The following DCAF1 variants were observed in gnomAD, a reference collection of about 807,000 sequenced individuals.
The protein encoded by DCAF1 is DDB1- and CUL4-associated factor 1.
A neutral mutation model predicts 128.0 loss-of-function variants in DCAF1; 15 were observed. The observed-to-expected ratio is 0.12, with a 90% confidence interval of 0.08 to 0.18. The LOEUF (loss-of-function observed/expected upper bound fraction) is 0.18. DCAF1 is among the 10% of genes least tolerant of loss of function. DCAF1 has a pLI of 1.00. For missense variants in DCAF1, 988 were observed against 1,649.5 expected (o/e 0.60, Z 6.95); for synonymous variants, 610 against 603.0 (o/e 1.01, Z -0.17).
downstream of DCAF1, chr3:51,396,216 G>A (rs1314055274): frequency 9.3e-6 from 3 of 324,270 alleles, no homozygotes; most frequent in African/African-American, 4.3e-5. Context: ...CCAAGTAAAA[G>A]GAAACATGCT....
intron 15 of DCAF1, among the ~76,000 whole-genome samples, chr3:51,419,135 G>A (rs1349006483): frequency 6.6e-6 from 1 of 151,918 alleles, no homozygotes; most frequent in African/African-American, 2.4e-5. Flanking sequence ...CCGAAGGGGG[G>A]GTATCAATTG....
chr3:51,407,775 G>T (rs1698002667), intron 23 of DCAF1, among the ~76,000 whole-genome samples: 2 of 151,908 alleles, frequency 1.3e-5, no homozygotes, highest in Non-Finnish European at 2.9e-5. Context: ...ATCACCTGAG[G>T]TCAGGAGTTC....
At chr3:51,491,947 G>A (rs1707697872) in intron 2 of DCAF1, among the ~76,000 whole-genome samples, 1 of 152,028 alleles carries the variant, frequency 6.6e-6, no homozygotes, top group Admixed American at 6.6e-5. Context: ...CACGAGGTCA[G>A]GAGATCAAGA....
At chr3:51,488,665 T>C (rs1707257521) in intron 2 of DCAF1, among the ~76,000 whole-genome samples, 1 of 152,138 alleles carries the variant, frequency 6.6e-6, no homozygotes, top group African/African-American at 2.4e-5. Flanking sequence ...TAGCCGGGCA[T>C]GGTGGCACGC....
At chr3:51,486,086 T>C (rs1055084773) in intron 2 of DCAF1, among the ~76,000 whole-genome samples, 2 of 151,964 alleles carry the variant, frequency 1.3e-5, no homozygotes, top group South Asian at 2.1e-4. Flanking sequence ...GAGACGGGCT[T>C]TCACCGTGTT....
chr3:51,477,458 C>T (rs1553651034), intron 3 of DCAF1, among the ~76,000 whole-genome samples: 4 of 147,398 alleles, frequency 2.7e-5, no homozygotes, highest in Non-Finnish European at 6.0e-5. Flanking sequence ...AATCCTGTCT[C>T]TACAAAAAAA....
At chr3:51,423,114 T>C (rs1699565946) in intron 13 of DCAF1, among the ~76,000 whole-genome samples, 1 of 151,616 alleles carries the variant, frequency 6.6e-6, no homozygotes, top group South Asian at 2.1e-4. Context: ...AAAAAGAAAG[T>C]AATCTGGAAA....
intron 10 of DCAF1, among the ~76,000 whole-genome samples, chr3:51,432,835 A>C (rs1700511895): frequency 1.3e-5 from 2 of 152,328 alleles, no homozygotes; most frequent in Admixed American, 1.3e-4. Context: ...TCTTAATGCC[A>C]CAGAAATGGC....
intron 13 of DCAF1, among the ~76,000 whole-genome samples, chr3:51,424,827 T>C (rs1245867182): frequency 6.6e-6 from 1 of 152,160 alleles, no homozygotes; most frequent in African/African-American, 2.4e-5. Context: ...ATATATATAG[T>C]ATAAAAACAT....
chr3:51,437,942 C>A, intron 9 of DCAF1: 2 of 204,098 alleles, frequency 9.8e-6, no homozygotes, highest in South Asian at 6.5e-5. Flanking sequence ...TCCTGGAAAC[C>A]CAAACAAAAG....
chr3:51,422,975 G>A (rs6772668), intron 13 of DCAF1, among the ~76,000 whole-genome samples: 113,862 of 151,926 alleles, frequency 0.75, 43,616 homozygotes, highest in Middle Eastern at 0.85. Context: ...GGCTGAGGTG[G>A]GAGGATCACC....
At chr3:51,482,764 CAAAAAAAA>C (rs797042469) in intron 3 of DCAF1, among the ~76,000 whole-genome samples, 1 of 29,992 alleles carries the variant, frequency 3.3e-5, no homozygotes. Flanking sequence ...CACTCCATCT[CAAAAAAAA>C]AAAAAAAAAA....
chr3:51,482,761 T>A (rs1553653402), intron 3 of DCAF1, among the ~76,000 whole-genome samples: 3 of 115,694 alleles, frequency 2.6e-5, no homozygotes, highest in South Asian at 2.9e-4. Context: ...CAACACTCCA[T>A]CTCAAAAAAA....
chr3:51,473,259 T>C (rs1436822636), intron 3 of DCAF1, among the ~76,000 whole-genome samples: 2 of 143,888 alleles, frequency 1.4e-5, no homozygotes, highest in African/African-American at 2.6e-5. Flanking sequence ...CAAAACTCTA[T>C]CTCAAAAAAA....
At chr3:51,463,768 G>C (rs1351323205) in intron 5 of DCAF1, among the ~76,000 whole-genome samples, 2 of 152,010 alleles carry the variant, frequency 1.3e-5, no homozygotes, top group African/African-American at 4.8e-5. Flanking sequence ...GCAACGGTGA[G>C]ACCCTGTCTC....
intron 3 of DCAF1, among the ~76,000 whole-genome samples, chr3:51,475,631 G>A (rs1705340011): frequency 6.6e-6 from 1 of 152,226 alleles, no homozygotes; most frequent in South Asian, 2.1e-4. Context: ...GGAGGCTGAG[G>A]TGGGCAGATC....
At chr3:51,476,696 T>C (rs1705497761) in intron 3 of DCAF1, among the ~76,000 whole-genome samples, 1 of 147,824 alleles carries the variant, frequency 6.8e-6, no homozygotes, top group African/African-American at 2.5e-5. Context: ...GCTAACACGG[T>C]GAAACCCTGT....
intron 6 of DCAF1, among the ~76,000 whole-genome samples, chr3:51,458,088 T>C (rs1210631198): frequency 1.3e-5 from 2 of 152,184 alleles, no homozygotes; most frequent in African/African-American, 4.8e-5. Flanking sequence ...GTAAATGGGC[T>C]AAATGCTCCA....
At chr3:51,479,825 T>C (rs1055162997) in intron 3 of DCAF1, among the ~76,000 whole-genome samples, 3 of 151,982 alleles carry the variant, frequency 2.0e-5, no homozygotes, top group African/African-American at 7.2e-5. Context: ...AATAAAATTA[T>C]AGTACAATGT....
Sources: allele counts gnomAD v4.1 joint callset (sites outside exome capture counted in the v4.1 genomes callset), GRCh38; gene constraint gnomAD v4.1.1; transcripts MANE v1.5; gene names NCBI Gene and HGNC (gene_info 2026-07-23, HGNC 2026-07-21).